The following WDFY4 variants were observed in gnomAD, a reference collection of about 807,000 sequenced individuals.
The protein encoded by WDFY4 is WD repeat- and FYVE domain-containing protein 4.
In WDFY4, 169 loss-of-function variants were observed where a neutral mutation model predicts 351.9. The ratio of observed to expected loss-of-function variants is 0.48; its 90% CI spans 0.42 to 0.55. WDFY4 has a LOEUF of 0.55. WDFY4 is among the 20% of genes least tolerant of loss of function. The pLI is 0.00. For missense variants in WDFY4, 3,803 were observed against 3,935.6 expected (o/e 0.97, Z 0.90); for synonymous variants, 1,622 against 1,574.6 (o/e 1.03, Z -0.71).
chr10:48,912,497 C>A (rs1016810038), intron 47 of WDFY4, among the ~76,000 whole-genome samples: 1 of 152,216 alleles, frequency 6.6e-6, no homozygotes, highest in East Asian at 1.9e-4. Flanking sequence ...TGCACATCCA[C>A]GACTGGGATC....
chr10:48,705,500 T>C (rs191180182), intron 1 of WDFY4, among the ~76,000 whole-genome samples: 2 of 151,768 alleles, frequency 1.3e-5, no homozygotes, highest in Admixed American at 6.6e-5. Context: ...CGGATGAGAG[T>C]GTTTTTTTCT....
At chr10:48,841,795 GTCT>G in intron 39 of WDFY4, among the ~76,000 whole-genome samples, 1 of 152,300 alleles carries the variant, frequency 6.6e-6, no homozygotes, top group South Asian at 2.1e-4. Context: ...TAGATTAGGG[GTCT>G]TCCTGAAACA....
chr10:48,784,382 A>G (rs1376890886), intron 19 of WDFY4, among the ~76,000 whole-genome samples: 1 of 152,188 alleles, frequency 6.6e-6, no homozygotes, highest in Non-Finnish European at 1.5e-5. Flanking sequence ...ATAGTTGTGT[A>G]GTAATATCTC....
At chr10:48,740,735 C>T (rs1196978880) in intron 11 of WDFY4, among the ~76,000 whole-genome samples, 4 of 152,156 alleles carry the variant, frequency 2.6e-5, no homozygotes, top group Non-Finnish European at 4.4e-5. Context: ...AGTCAATTTC[C>T]CTGAAGTCTT....
At position 48,963,924 on chromosome 10, in the gene WDFY4, C is replaced by T; in HGVS notation, c.8306C>T (p.Ala2769Val). The change falls in exon 54 of 62, where the codon GCA becomes GTA. Residue 2769 changes from alanine (A) to valine (V), a missense_variant. Coordinates refer to ENST00000325239, the MANE Select transcript of WDFY4 (RefSeq NM_001394531.1). Reference protein sequence around the residue: ...IFGYKQQGPAAVDAVNIFHPY... With the variant: ...IFGYKQQGPAVVDAVNIFHPY... ...GGGTACAAGCAGCAGGGGCCAGCCG[C>T]AGTGGATGCTGTTAATATCTTCCAC... The T allele has an allele frequency of 6.4e-7, 1 of 1,551,484 alleles. No homozygotes were observed. The highest frequency in any genetic ancestry group is 8.7e-7 in the Non-Finnish European group (1 of 1,146,982).
intron 20 of WDFY4, among the ~76,000 whole-genome samples, chr10:48,787,093 G>A (rs905846550): frequency 2.0e-5 from 3 of 152,252 alleles, no homozygotes; most frequent in Non-Finnish European, 2.9e-5. Context: ...TAATGGGGAA[G>A]AGGTGGGTTG....
chr10:48,930,801 T>G (rs1839948799), intron 47 of WDFY4, among the ~76,000 whole-genome samples: 1 of 151,966 alleles, frequency 6.6e-6, no homozygotes, highest in Non-Finnish European at 1.5e-5. Context: ...AAAAAAAAAT[T>G]ATTTCCCAAA....
intron 39 of WDFY4, among the ~76,000 whole-genome samples, chr10:48,850,961 G>A (rs986916737): frequency 6.6e-6 from 1 of 152,198 alleles, no homozygotes; most frequent in East Asian, 1.9e-4. Context: ...TCTTTCCTAG[G>A]CAAATATACA....
intron 49 of WDFY4, among the ~76,000 whole-genome samples, chr10:48,944,802 T>A (rs1361377170): frequency 6.6e-6 from 1 of 152,204 alleles, no homozygotes; most frequent in African/African-American, 2.4e-5. Context: ...AAAACCTTGA[T>A]TATTTATCAA....
At chr10:48,700,080 A>C (rs1018303857) in intron 1 of WDFY4, among the ~76,000 whole-genome samples, 5 of 152,212 alleles carry the variant, frequency 3.3e-5, no homozygotes, top group Non-Finnish European at 5.9e-5. Context: ...ACTGCTTTTC[A>C]GAACAGTTTC....
At chr10:48,736,375 T>G (rs2064668653) in intron 11 of WDFY4, 1 of 584,978 alleles carries the variant, frequency 1.7e-6, no homozygotes, top group Admixed American at 3.1e-5. Context: ...GGGAACTGCA[T>G]AAGGCATTTT....
At chr10:48,702,224 G>T (rs2063498170) in intron 1 of WDFY4, among the ~76,000 whole-genome samples, 1 of 152,026 alleles carries the variant, frequency 6.6e-6, no homozygotes, top group South Asian at 2.1e-4. Flanking sequence ...AGCAGTATTT[G>T]ATGGCTGCTG....
At chr10:48,701,006 C>T (rs1009274198) in intron 1 of WDFY4, among the ~76,000 whole-genome samples, 8 of 152,160 alleles carry the variant, frequency 5.3e-5, no homozygotes, top group African/African-American at 1.7e-4. Flanking sequence ...TGTTGTACAA[C>T]CATCAGCACT....
chr10:48,774,763 A>C, intron 14 of WDFY4, 91 bp downstream of exon 14: 1 of 1,429,680 alleles, frequency 7.0e-7, no homozygotes, highest in South Asian at 1.2e-5. Flanking sequence ...GAGAGACTGC[A>C]GGGACAGATG....
chr10:48,716,781 T>C lies in WDFY4; in HGVS notation c.235-3230T>C, dbSNP rs1288043571. The stretch of plus-strand genomic sequence containing the variant: ...TGCTTCTGAGTCAAATGCCTGCAAA[T>C]TGGTCTTTGAGGGGTTTGTCAGTGC... On this transcript the variant is annotated intron_variant, in intron 2 of 61. Transcript: ENST00000325239. 2.0e-5 allele frequency among the ~76,000 whole-genome samples: 3 copies of C among 152,254 alleles called. No homozygotes were observed. In the East Asian group the frequency reaches 5.8e-4, roughly 29 times the overall value.
chr10:48,768,970 G>A (rs772546661), intron 13 of WDFY4, among the ~76,000 whole-genome samples: 27 of 152,214 alleles, frequency 1.8e-4, no homozygotes, highest in Non-Finnish European at 3.5e-4. Context: ...TGTCACTACG[G>A]CTGCAGTACA....
rs575032623 is a variant in WDFY4, at chr10:48,778,599, G to A, written c.3176-12G>A. Reference sequence around the variant, plus strand: ...GAACAAAGCCTGAGGGCATGCCTGTGTTCCCACCCAGGTGCCACCAGACCG... The same window carrying A: ...GAACAAAGCCTGAGGGCATGCCTGTATTCCCACCCAGGTGCCACCAGACCG... On this transcript the variant is annotated splice_polypyrimidine_tract_variant and intron_variant, in intron 17 of 61. Coordinates refer to ENST00000325239, the MANE Select transcript of WDFY4 (RefSeq NM_001394531.1). 3.9e-6 allele frequency: 6 copies of A among 1,549,862 alleles called. No homozygotes were observed. In the South Asian group the frequency reaches 7.1e-5, roughly 18 times the overall value.
chr10:48,822,347 A>G (rs1328684437), intron 34 of WDFY4, 33 bp from the exon 35 acceptor site: 1 of 1,500,728 alleles, frequency 6.7e-7, no homozygotes, highest in Admixed American at 2.1e-5. Flanking sequence ...GTCCATTTAG[A>G]CTCTCACCTC....
At chr10:48,708,374 C>A (rs1163644981) in intron 1 of WDFY4, among the ~76,000 whole-genome samples, 2 of 152,142 alleles carry the variant, frequency 1.3e-5, no homozygotes, top group African/African-American at 4.8e-5. Context: ...ATGATGTAAC[C>A]CAACCACTGC....
Sources: allele counts gnomAD v4.1 joint callset (sites outside exome capture counted in the v4.1 genomes callset), GRCh38; gene constraint gnomAD v4.1.1; transcripts MANE v1.5; gene names NCBI Gene and HGNC (gene_info 2026-07-23, HGNC 2026-07-21).